The following RABEPK variants were observed in gnomAD, a reference collection of about 807,000 sequenced individuals.
The protein encoded by RABEPK is 40 kDa Rab9 effector protein.
In RABEPK, 27 loss-of-function variants were observed where a neutral mutation model predicts 34.1. The ratio of observed to expected loss-of-function variants is 0.79; its 90% CI spans 0.58 to 1.09. RABEPK has a LOEUF of 1.09. Among genes scored for constraint, RABEPK ranks in the 50% least tolerant of loss-of-function variants. The pLI is 0.00. For missense variants in RABEPK, 449 were observed against 462.6 expected (o/e 0.97, Z 0.27); for synonymous variants, 172 against 169.2 (o/e 1.02, Z -0.13).
At chr9:125,224,207 A>C (rs546557115) in intron 5 of RABEPK, among the ~76,000 whole-genome samples, 55 of 122,364 alleles carry the variant, frequency 4.5e-4, no homozygotes, top group South Asian at 1.9e-3. Context: ...AAAAACAAAA[A>C]CAAAACAAAA....
Position 125,233,953 on chromosome 9 carries a change from C to T in RABEPK, c.1092C>T (p.Asp364=), listed in dbSNP as rs202064995. Residue 364 remains aspartate (D), a synonymous_variant, in exon 8 of 8, where the codon GAC becomes GAT. Coordinates refer to ENST00000373538, the MANE Select transcript of RABEPK (RefSeq NM_005833.4). ...TGAATACAGAAGGGGAAATCTATGA[C>T]GATTGTATTGTGACTGTAGTGGACT... ...GGMNTEGEIY[D]DCIVTVVD 70 of 1,612,472 alleles carry T rather than the reference C, an allele frequency of 4.3e-5. No homozygotes were observed. The highest frequency in any genetic ancestry group is 5.3e-5 in the Non-Finnish European group (63 of 1,178,592).
chr9:125,204,224 C>G (rs1830080156), intron 2 of RABEPK, among the ~76,000 whole-genome samples: 1 of 151,818 alleles, frequency 6.6e-6, no homozygotes, highest in African/African-American at 2.4e-5. Flanking sequence ...GTCCCAGCTA[C>G]TCTGGAGGCT....
chr9:125,203,254 G>A (rs1023650902), intron 2 of RABEPK, among the ~76,000 whole-genome samples, 188 bp downstream of exon 2: 5 of 152,180 alleles, frequency 3.3e-5, no homozygotes, highest in Non-Finnish European at 7.3e-5. Flanking sequence ...TTATCACAGA[G>A]CAGATGTTAA....
chr9:125,233,249 C>T (rs1246713850), intron 7 of RABEPK, among the ~76,000 whole-genome samples: 1 of 149,816 alleles, frequency 6.7e-6, no homozygotes, highest in Non-Finnish European at 1.5e-5. Context: ...TCGGCTGCTA[C>T]AGTAAATCAC....
Position 125,213,528 on chromosome 9 carries a change from T to C in RABEPK, c.364+6T>C. ...TCTACAAGTCCTGAATCCTGGTAAG[T>C]AGCCAAAGGTTATTTTATTTACGTA... On this transcript the variant is annotated splice_donor_region_variant and intron_variant, in intron 4 of 7. Transcript: ENST00000373538. 6.2e-7 allele frequency: 1 copy of C among 1,611,986 alleles called. No individual in the cohort carries two copies.
At chr9:125,203,971 G>A (rs928844932) in intron 2 of RABEPK, among the ~76,000 whole-genome samples, 1 of 147,182 alleles carries the variant, frequency 6.8e-6, no homozygotes, top group Non-Finnish European at 1.5e-5. Flanking sequence ...GGCAGAGGTT[G>A]CAGTGAGCTG....
intron 5 of RABEPK, among the ~76,000 whole-genome samples, chr9:125,226,064 C>T (rs1037294841): frequency 4.6e-5 from 7 of 150,944 alleles, no homozygotes; most frequent in African/African-American, 1.5e-4. Flanking sequence ...GCAGGAGAAT[C>T]GCTTGAACCT....
At chr9:125,211,526 A>G (rs995566178) in intron 3 of RABEPK, among the ~76,000 whole-genome samples, 1 of 152,144 alleles carries the variant, frequency 6.6e-6, no homozygotes, top group Non-Finnish European at 1.5e-5. Context: ...TCTCTTGATA[A>G]TGTTGGAAAA....
At chr9:125,231,279 G>T (rs1037805025) in intron 6 of RABEPK, among the ~76,000 whole-genome samples, 1 of 151,896 alleles carries the variant, frequency 6.6e-6, no homozygotes, top group African/African-American at 2.4e-5. Flanking sequence ...GGGTAACAGA[G>T]TGAGACTCTG....
chr9:125,212,972 C>A (rs936093469), intron 3 of RABEPK, among the ~76,000 whole-genome samples: 9 of 152,132 alleles, frequency 5.9e-5, no homozygotes, highest in Admixed American at 5.2e-4. Context: ...CTGGCCAATA[C>A]AGGCGTGTTT....
chr9:125,209,984 C>T (rs1389592765), intron 3 of RABEPK, among the ~76,000 whole-genome samples: 1 of 152,150 alleles, frequency 6.6e-6, no homozygotes, highest in East Asian at 1.9e-4. Context: ...CCCACAAGAA[C>T]ATAAGCTCCT....
In RABEPK at chr9:125,209,547, A is replaced by G. The variant is rs540961701; in HGVS notation, c.211+1826A>G. 8.6e-5 allele frequency among the ~76,000 whole-genome samples: 13 copies of G among 152,024 alleles called. 1 individual carries two copies. In the South Asian group the frequency reaches 2.7e-3, roughly 32 times the overall value. On this transcript the variant is annotated intron_variant, in intron 3 of 7. Coordinates refer to ENST00000373538, the MANE Select transcript of RABEPK (RefSeq NM_005833.4). ...TATTTTTAGTAGAGATGGGGGTTTC[A>G]CCATGTTGGCCAGGCTGGTCTCAAA...
chr9:125,206,620 A>G (rs1235492295), intron 2 of RABEPK, among the ~76,000 whole-genome samples: 1 of 152,238 alleles, frequency 6.6e-6, no homozygotes, highest in Non-Finnish European at 1.5e-5. Context: ...CTCTGAAATC[A>G]GTAAATTCTG....
At chr9:125,211,552 C>T (rs1160874485) in intron 3 of RABEPK, among the ~76,000 whole-genome samples, 2 of 152,144 alleles carry the variant, frequency 1.3e-5, no homozygotes, top group Admixed American at 1.3e-4. Context: ...TGTCAGTAGG[C>T]CTCCCTGTCT....
At chr9:125,220,420 A>G in intron 4 of RABEPK, 119 bp from the exon 5 acceptor site, 1 of 1,491,500 alleles carries the variant, frequency 6.7e-7, no homozygotes, top group African/African-American at 1.4e-5. Flanking sequence ...TCCCTGCCCA[A>G]AACTATGCTG....
intron 5 of RABEPK, 32 bp downstream of exon 5, chr9:125,220,732 A>G (rs1339655403): frequency 1.2e-6 from 2 of 1,602,780 alleles, no homozygotes; most frequent in South Asian, 2.2e-5. Context: ...GGGGCTGGTC[A>G]GGGCCATCCC....
intron 3 of RABEPK, among the ~76,000 whole-genome samples, chr9:125,210,387 G>C (rs1268012039): frequency 1.7e-5 from 2 of 120,720 alleles, no homozygotes; most frequent in African/African-American, 6.5e-5. Flanking sequence ...CTGGGTGACA[G>C]AGCAAGTCTC....
rs1832388875 is a variant in RABEPK, at chr9:125,233,754, T to C, written c.893T>C (p.Met298Thr). The change falls in exon 8 of 8, where the codon ATG becomes ACG. Residue 298 changes from methionine (M) to threonine (T), a missense_variant. Met to Thr is a moderately conservative substitution (Grantham distance 81, BLOSUM62 -1). Coordinates refer to ENST00000373538, the MANE Select transcript of RABEPK (RefSeq NM_005833.4). Reference protein sequence around the residue: ...LLPPGRLDHSMCIIPWPVTCA... With the variant: ...LLPPGRLDHSTCIIPWPVTCA... ...CCCCCTGGACGATTGGACCATTCCA[T>C]GTGTATCATTCCATGGCCAGTGACG... 1.9e-6 allele frequency: 3 copies of C among 1,614,026 alleles called. No homozygotes were observed. The highest frequency in any genetic ancestry group is 1.1e-5 in the South Asian group (1 of 91,076).
At chr9:125,204,290 TC>T (rs1830084171) in intron 2 of RABEPK, among the ~76,000 whole-genome samples, 1 of 137,910 alleles carries the variant, frequency 7.3e-6, no homozygotes, top group Non-Finnish European at 1.6e-5. Context: ...AAAAGAAAAA[TC>T]AGACTCCTGA....
Sources: allele counts gnomAD v4.1 joint callset (sites outside exome capture counted in the v4.1 genomes callset), GRCh38; gene constraint gnomAD v4.1.1; transcripts MANE v1.5; gene names NCBI Gene and HGNC (gene_info 2026-07-23, HGNC 2026-07-21).